The following OLFM3 variants were observed in gnomAD, a reference collection of about 807,000 sequenced individuals.
OLFM3 encodes olfactomedin 3, also known as noelin-3.
Under a neutral mutation model 48.6 loss-of-function variants are expected in OLFM3, and 20 were observed. The observed-to-expected ratio is 0.41, with a 90% CI of 0.29 to 0.60. The LOEUF (loss-of-function observed/expected upper bound fraction) is 0.60. Ranked by LOEUF, OLFM3 falls within the 20% of genes least tolerant of loss-of-function variation. The probability of loss-of-function intolerance (pLI) is 0.28; values close to 1 mark genes in which losing one functional copy is unlikely to be tolerated. For synonymous variants in OLFM3, 222 were observed against 198.1 expected (o/e 1.12, Z -1.01); for missense variants, 437 against 544.3 (o/e 0.80, Z 1.96).
intron 1 of OLFM3, among the ~76,000 whole-genome samples, chr1:101,891,396 A>G (rs1401684989): frequency 6.6e-6 from 1 of 151,986 alleles, no homozygotes; most frequent in Non-Finnish European, 1.5e-5. Flanking sequence ...TAGATACTAT[A>G]TGAATAACAT....
At chr1:101,914,468 C>T (rs1053141481) in intron 1 of OLFM3, among the ~76,000 whole-genome samples, 1 of 152,178 alleles carries the variant, frequency 6.6e-6, no homozygotes, top group African/African-American at 2.4e-5. Context: ...AGTTCTTAAA[C>T]AAGTCTGAGT....
intron 1 of OLFM3, among the ~76,000 whole-genome samples, chr1:101,962,384 A>T (rs1033396480): frequency 2.6e-5 from 4 of 152,190 alleles, no homozygotes; most frequent in African/African-American, 9.6e-5. Context: ...TTTCCTTTAT[A>T]AAATACAGAA....
chr1:101,864,688 C>A (rs1656788564), intron 1 of OLFM3, among the ~76,000 whole-genome samples: 2 of 152,036 alleles, frequency 1.3e-5, no homozygotes. Context: ...TCAGGAGTCT[C>A]CCAACCAGAA....
chr1:101,977,482 T>G (rs1660987211), intron 1 of OLFM3, among the ~76,000 whole-genome samples: 2 of 152,114 alleles, frequency 1.3e-5, no homozygotes, highest in South Asian at 4.1e-4. Context: ...GAACTGAACA[T>G]GTGCTCGGCA....
intron 1 of OLFM3, among the ~76,000 whole-genome samples, chr1:101,992,690 T>C (rs1053448115): frequency 4.6e-5 from 7 of 152,114 alleles, no homozygotes; most frequent in African/African-American, 1.7e-4. Flanking sequence ...TTTAATTAGA[T>C]TTATGTATGA....
intron 1 of OLFM3, among the ~76,000 whole-genome samples, chr1:101,912,126 G>T (rs1238913716): frequency 1.3e-5 from 2 of 152,130 alleles, no homozygotes; most frequent in Non-Finnish European, 2.9e-5. Flanking sequence ...AATGAGCTGT[G>T]CTGGTATAAC....
chr1:101,991,453 T>C (rs1163643543), intron 1 of OLFM3, among the ~76,000 whole-genome samples: 2 of 152,124 alleles, frequency 1.3e-5, no homozygotes, highest in East Asian at 1.9e-4. Flanking sequence ...TTTTTCTTTA[T>C]ACATTTTCTT....
chr1:101,916,397 TC>T (rs1328735486), intron 1 of OLFM3, among the ~76,000 whole-genome samples: 11 of 118,324 alleles, frequency 9.3e-5, no homozygotes, highest in Non-Finnish European at 1.5e-4. Context: ...GTATAATGTC[TC>T]TCCTTTTTTT....
intron 4 of OLFM3, among the ~76,000 whole-genome samples, chr1:101,807,020 T>C (rs1057476669): frequency 6.6e-6 from 1 of 151,896 alleles, no homozygotes; most frequent in Non-Finnish European, 1.5e-5. Context: ...AAAAGATTAC[T>C]ATAAAGTTTT....
At chr1:101,985,764 G>A (rs1439491491) in intron 1 of OLFM3, among the ~76,000 whole-genome samples, 2 of 152,120 alleles carry the variant, frequency 1.3e-5, no homozygotes, top group East Asian at 3.9e-4. Flanking sequence ...TAGTGCTTGG[G>A]ATGTGAAATA....
At position 101,804,875 on chromosome 1, in the gene OLFM3, C is replaced by T. The variant is rs777393514; in HGVS notation, c.740G>A (p.Arg247His). The T allele has an allele frequency of 1.6e-5, 25 of 1,611,692 alleles. No homozygotes were observed. Among genetic ancestry groups the T allele is most frequent in the South Asian group, 3.3e-5 (3 of 91,046 alleles). ...AAAGTCTGCAATTGATTTGTATTCA[C>T]GAACAATTTTATTGTTAGTATAACT... ...MDSYTNNKIV[R>H]EYKSIADFVS... is the part of the protein sequence containing the mutation. Residue 247 changes from arginine (R) to histidine (H), a missense_variant, in exon 6 of 6, where the codon CGT (arginine) becomes CAT (histidine). By Grantham distance (29) the Arg-to-His change is conservative. This residue lies in a region of OLFM3 where 314 missense variants were observed against 365.5 expected (regional missense o/e 0.86). Coordinates refer to ENST00000370103, the MANE Select transcript of OLFM3 (RefSeq NM_058170.4). The surrounding 1 kb of genome is among the most constrained non-coding windows in gnomAD (Gnocchi z 4.5).
intron 1 of OLFM3, among the ~76,000 whole-genome samples, chr1:101,870,342 G>A (rs530077374): frequency 6.6e-6 from 1 of 151,974 alleles, no homozygotes; most frequent in Non-Finnish European, 1.5e-5. Context: ...AATGTTCCCA[G>A]ACAGTTTTAG....
At chr1:101,995,280 A>G (rs1034581161) in intron 1 of OLFM3, among the ~76,000 whole-genome samples, 1 of 152,162 alleles carries the variant, frequency 6.6e-6, no homozygotes, top group African/African-American at 2.4e-5. Context: ...AAAGTTTTAA[A>G]CAATATCATA....
At chr1:101,894,588 T>A (rs932979414) in intron 1 of OLFM3, among the ~76,000 whole-genome samples, 1 of 152,170 alleles carries the variant, frequency 6.6e-6, no homozygotes, top group African/African-American at 2.4e-5. Context: ...TTACACTTTT[T>A]AAGACCATGT....
intron 1 of OLFM3, among the ~76,000 whole-genome samples, chr1:101,884,434 C>T (rs999637530): frequency 2.0e-5 from 3 of 151,628 alleles, no homozygotes; most frequent in African/African-American, 7.3e-5. Flanking sequence ...AAAAGGACAC[C>T]TTTCTGAACC....
At chr1:101,912,731 C>T (rs1484878425) in intron 1 of OLFM3, among the ~76,000 whole-genome samples, 1 of 152,146 alleles carries the variant, frequency 6.6e-6, no homozygotes, top group Non-Finnish European at 1.5e-5. Flanking sequence ...TACCTACAAT[C>T]TCTTATGATA....
At position 101,949,516 on chromosome 1, in the gene OLFM3, A is replaced by G. The variant is rs181821560; in HGVS notation, c.69+47232T>C. Among the ~76,000 whole-genome samples the G allele has an allele frequency of 2.6e-3, 403 of 152,276 alleles. 3 individuals carry two copies. The highest frequency in any genetic ancestry group is 9.3e-3 in the African/African-American group (387 of 41,552). ...TGACTTCTATTCCATCTGTACAAATATACATTAGTATATATTCCAATTTTT... is the reference window on the plus strand; with the variant it reads ...TGACTTCTATTCCATCTGTACAAATGTACATTAGTATATATTCCAATTTTT... On this transcript the variant is annotated intron_variant, in intron 1 of 5. Coordinates refer to ENST00000370103, the MANE Select transcript of OLFM3 (RefSeq NM_058170.4).
intron 1 of OLFM3, among the ~76,000 whole-genome samples, chr1:101,943,207 G>A (rs1013487176): frequency 6.6e-6 from 1 of 152,148 alleles, no homozygotes. Flanking sequence ...TAAATAATCC[G>A]GATGAGCCTG....
At position 101,825,262 on chromosome 1, in the gene OLFM3, A is replaced by G; in HGVS notation, c.373-17T>C. 2 of 1,601,274 alleles carry G rather than the reference A, an allele frequency of 1.2e-6. No individual in the cohort carries two copies. The highest frequency in any genetic ancestry group is 2.2e-5 in the South Asian group (2 of 90,194). On this transcript the variant is annotated splice_polypyrimidine_tract_variant and intron_variant, in intron 3 of 5. Coordinates refer to ENST00000370103, the MANE Select transcript of OLFM3 (RefSeq NM_058170.4). ...TTTCAACTCCTGTGAAAAGCAGCCT[A>G]TTGTTCCTGAGAGTCATTTAAAACA...
Sources: gnomAD v4.1 joint callset for allele counts (sites outside exome capture counted in the v4.1 genomes callset) on GRCh38, gnomAD v4.1.1 for gene constraint, gnomAD v4.1.1 regional missense constraint, Gnocchi (gnomAD v3.1) non-coding constraint, MANE v1.5 for transcripts, NCBI Gene and HGNC (gene_info 2026-07-23, HGNC 2026-07-21) for gene names.